The following SLCO1C1 variants were observed in gnomAD, a reference collection of about 807,000 sequenced individuals.
SLCO1C1 encodes the protein solute carrier organic anion transporter family member 1C1, also known as OAT-RP-5.
A neutral mutation model predicts 76.4 loss-of-function variants in SLCO1C1; 70 were observed. The observed-to-expected ratio is 0.92, with a 90% CI of 0.76 to 1.12. SLCO1C1 has a LOEUF of 1.12. Among genes scored for constraint, SLCO1C1 ranks in the 50% most tolerant of loss-of-function variants. SLCO1C1 has a pLI of 0.00. For synonymous variants in SLCO1C1, 306 were observed against 286.1 expected (o/e 1.07, Z -0.70); for missense variants, 912 against 823.8 (o/e 1.11, Z -1.31).
At chr12:20,733,238 T>G in intron 10 of SLCO1C1, 134 bp downstream of exon 10, 1 of 765,050 alleles carries the variant, frequency 1.3e-6, no homozygotes, top group Non-Finnish European at 2.0e-6. Context: ...TATTGTGGAA[T>G]AACTGACAAT....
At chr12:20,742,096 A>T (rs1948840855) in intron 12 of SLCO1C1, among the ~76,000 whole-genome samples, 1 of 152,214 alleles carries the variant, frequency 6.6e-6, no homozygotes, top group Non-Finnish European at 1.5e-5. Flanking sequence ...GAAATACAAC[A>T]TGGAGAATAT....
intron 5 of SLCO1C1, among the ~76,000 whole-genome samples, chr12:20,712,076 T>C (rs541253446): frequency 1.4e-3 from 208 of 152,322 alleles, no homozygotes; most frequent in Admixed American, 3.3e-3. Flanking sequence ...TGTTTGGTCA[T>C]ACTTGTCAGC....
intron 14 of SLCO1C1, among the ~76,000 whole-genome samples, chr12:20,751,117 T>A (rs565412267): frequency 1.4e-4 from 21 of 152,234 alleles, no homozygotes; most frequent in Non-Finnish European, 2.2e-4. Flanking sequence ...GGCATTTAAA[T>A]TTAGGTCACA....
At chr12:20,747,097 G>T (rs1304038847) in intron 13 of SLCO1C1, among the ~76,000 whole-genome samples, 1 of 152,126 alleles carries the variant, frequency 6.6e-6, no homozygotes, top group African/African-American at 2.4e-5. Context: ...TAATTGAAAT[G>T]ACATGATGTT....
chr12:20,731,695 C>T (rs1337272413), intron 9 of SLCO1C1, among the ~76,000 whole-genome samples: 1 of 152,162 alleles, frequency 6.6e-6, no homozygotes, highest in Non-Finnish European at 1.5e-5. Context: ...AGAGAATTTA[C>T]TTATTGTTGA....
At chr12:20,713,128 G>A (rs1192077293) in intron 5 of SLCO1C1, among the ~76,000 whole-genome samples, 5 of 144,932 alleles carry the variant, frequency 3.4e-5, no homozygotes, top group Admixed American at 7.0e-5. Flanking sequence ...CGCCCAGGCT[G>A]GAGTGCAGTG....
At position 20,714,987 on chromosome 12, in the gene SLCO1C1, T is replaced by G. The variant is rs1947295646; in HGVS notation, c.530-152T>G. 7 of 926,120 alleles carry G rather than the reference T, an allele frequency of 7.6e-6. No individual in the cohort carries two copies. In the East Asian group the frequency reaches 1.5e-4, roughly 19 times the overall value. 57.4% of individuals were successfully genotyped at this position (926,120 alleles called of 1,614,324 possible). On this transcript the variant is annotated intron_variant, in intron 5 of 14. Coordinates refer to ENST00000266509, the MANE Select transcript of SLCO1C1 (RefSeq NM_017435.5). ...AAAAGGTTGAAGGTATAAAACATTT[T>G]TAGAACTTGACCAAACTCCCATCAA... is the stretch of plus-strand genomic sequence containing the variant.
chr12:20,723,101 T>C lies in SLCO1C1; in HGVS notation c.1033T>C (p.Ser345Pro). Residue 345 changes from serine to proline, a missense_variant, in exon 9 of 15, where the codon TCA becomes CCA. By Grantham distance (74) the Ser-to-Pro change is moderately conservative. Coordinates refer to ENST00000266509, the MANE Select transcript of SLCO1C1 (RefSeq NM_017435.5). ...TTTTTGTTTTACAGATTTTCTTCCA[T>C]CACTGAAGAATCTTTTTGGAAACCC... Reference protein sequence around the residue: ...IMEMARDFLPSLKNLFGNPVY... With the variant: ...IMEMARDFLPPLKNLFGNPVY... 1.2e-6 allele frequency: 2 copies of C among 1,602,900 alleles called. No individual in the cohort carries two copies. The highest frequency in any genetic ancestry group is 1.7e-6 in the Non-Finnish European group (2 of 1,176,722).
At chr12:20,703,341 G>C (rs1250419525) in intron 3 of SLCO1C1, among the ~76,000 whole-genome samples, 1 of 151,842 alleles carries the variant, frequency 6.6e-6, no homozygotes. Context: ...AAACTGTAGA[G>C]TTTTGTGGAC....
At chr12:20,730,622 G>A (rs1258755762) in intron 9 of SLCO1C1, among the ~76,000 whole-genome samples, 1 of 152,122 alleles carries the variant, frequency 6.6e-6, no homozygotes, top group Non-Finnish European at 1.5e-5. Context: ...AGCAACCTCA[G>A]TTCAGCTGGA....
chr12:20,732,861 A>C, intron 9 of SLCO1C1, 48 bp from the exon 10 acceptor site: 1 of 1,598,150 alleles, frequency 6.3e-7, no homozygotes, highest in South Asian at 1.1e-5. Context: ...AGTACACTCA[A>C]ATCTTTTTTA....
At chr12:20,704,942 A>G (rs1212886858) in intron 3 of SLCO1C1, among the ~76,000 whole-genome samples, 1 of 151,962 alleles carries the variant, frequency 6.6e-6, no homozygotes, top group Non-Finnish European at 1.5e-5. Flanking sequence ...TTATCAAAGC[A>G]TGTTCTAGGA....
In SLCO1C1 at chr12:20,702,715, C is replaced by A. The variant is rs557839062; in HGVS notation, c.271+1256C>A. 4.6e-5 allele frequency among the ~76,000 whole-genome samples: 7 copies of A among 151,700 alleles called. No homozygotes were observed. In the East Asian group the frequency reaches 7.8e-4, roughly 17 times the overall value. ...CACTGAGTGAAGGGCCAAAGAGAAT[C>A]AAGGTAAAGGGTGATACATTATATC... is the stretch of plus-strand genomic sequence containing the variant. On this transcript the variant is annotated intron_variant, in intron 3 of 14. Transcript: ENST00000266509.
chr12:20,710,057 T>G (rs1286242023), intron 4 of SLCO1C1, among the ~76,000 whole-genome samples: 1 of 152,002 alleles, frequency 6.6e-6, no homozygotes, highest in Admixed American at 6.6e-5. Flanking sequence ...AAAAATGTTC[T>G]TACTTTTTCA....
At chr12:20,720,410 T>C (rs760720235) in intron 7 of SLCO1C1, among the ~76,000 whole-genome samples, 3 of 152,198 alleles carry the variant, frequency 2.0e-5, no homozygotes, top group Non-Finnish European at 2.9e-5. Flanking sequence ...CTATGATCAG[T>C]AGTGATTTCT....
chr12:20,734,913 A>T (rs1948470161), intron 10 of SLCO1C1, among the ~76,000 whole-genome samples: 1 of 152,186 alleles, frequency 6.6e-6, no homozygotes, highest in South Asian at 2.1e-4. Context: ...TAACAAGGGC[A>T]AAGATTTAAC....
intron 5 of SLCO1C1, among the ~76,000 whole-genome samples, chr12:20,714,559 ATG>A (rs1947276246): frequency 6.6e-6 from 1 of 152,184 alleles, no homozygotes; most frequent in Admixed American, 6.5e-5. Context: ...TATAATTTTT[ATG>A]TAAATTTGTT....
At chr12:20,751,331 G>A (rs1412386366) in intron 14 of SLCO1C1, among the ~76,000 whole-genome samples, 1 of 152,002 alleles carries the variant, frequency 6.6e-6, no homozygotes. Context: ...GGGGTTGGGT[G>A]GCGTGGCTTT....
chr12:20,736,297 C>T (rs1472536981), intron 10 of SLCO1C1, among the ~76,000 whole-genome samples: 2 of 146,532 alleles, frequency 1.4e-5, no homozygotes, highest in Non-Finnish European at 1.5e-5. Flanking sequence ...AGAAAGAATG[C>T]AATCACAATT....
Sources: allele counts gnomAD v4.1 joint callset (sites outside exome capture counted in the v4.1 genomes callset), GRCh38; gene constraint gnomAD v4.1.1; transcripts MANE v1.5; gene names NCBI Gene and HGNC (gene_info 2026-07-23, HGNC 2026-07-21).